Variants in HHLA2 observed in about 807,000 individuals in gnomAD.
HHLA2 encodes the protein HHLA2 member of B7 family.
A neutral mutation model predicts 45.9 loss-of-function variants in HHLA2; 48 were observed. The observed-to-expected ratio is 1.05, with a 90% CI of 0.83 to 1.33. The LOEUF (loss-of-function observed/expected upper bound fraction) is 1.33. Ranked by LOEUF, HHLA2 falls within the 40% of genes most tolerant of loss-of-function variation. HHLA2 has a pLI of 0.00. For synonymous variants in HHLA2, 161 were observed against 173.9 expected (o/e 0.93, Z 0.59); for missense variants, 462 against 494.3 (o/e 0.93, Z 0.62).
Position 108,376,488 on chromosome 3 carries a change from TG to T in HHLA2, c.1160-4del, listed in dbSNP as rs1560289327. On this transcript the variant is annotated splice_polypyrimidine_tract_variant and splice_region_variant and intron_variant, in intron 9 of 10. Coordinates refer to ENST00000619531, the Ensembl canonical transcript of HHLA2. ...ATTTTTAAGTTCTCTTTTTTTTTCC[TG>T]TAGAAAGATGTTGTGTCCCTCCTGG... 6 of 1,593,902 alleles carry T rather than the reference TG, an allele frequency of 3.8e-6. No homozygotes were observed. The highest frequency in any genetic ancestry group is 5.1e-6 in the Non-Finnish European group (6 of 1,173,758).
chr3:108,353,650 T>C, exon 5 of HHLA2: 8 of 1,613,724 alleles, frequency 5.0e-6, no homozygotes, highest in Non-Finnish European at 6.8e-6. Context: ...CCCTTTTCTA[T>C]AATGAGATTC....
At chr3:108,306,017 C>G (rs1290050962) in intron 1 of HHLA2, among the ~76,000 whole-genome samples, 1 of 152,152 alleles carries the variant, frequency 6.6e-6, no homozygotes. Context: ...TATTCATTCC[C>G]TCAGTGATTG....
intron 1 of HHLA2, among the ~76,000 whole-genome samples, chr3:108,297,859 TCTC>T (rs879487895): frequency 1.3e-5 from 2 of 152,206 alleles, no homozygotes; most frequent in Non-Finnish European, 2.9e-5. Flanking sequence ...CTGGGTGGCT[TCTC>T]CTTGCTCTGG....
chr3:108,300,865 T>C (rs182049054), intron 1 of HHLA2, among the ~76,000 whole-genome samples: 15 of 152,340 alleles, frequency 9.8e-5, no homozygotes, highest in African/African-American at 2.2e-4. Flanking sequence ...AATGCTGTCA[T>C]ATTTATCTAA....
At chr3:108,316,472 G>C (rs545503343) in intron 2 of HHLA2, among the ~76,000 whole-genome samples, 1 of 152,296 alleles carries the variant, frequency 6.6e-6, no homozygotes, top group African/African-American at 2.4e-5. Context: ...CTCTGGCTTA[G>C]AATCCTTCCT....
chr3:108,370,918 G>A (rs2082158781), intron 8 of HHLA2, among the ~76,000 whole-genome samples: 1 of 152,182 alleles, frequency 6.6e-6, no homozygotes, highest in African/African-American at 2.4e-5. Context: ...AGTTCTCCTG[G>A]ATAATATCCT....
At chr3:108,355,516 C>A in intron 6 of HHLA2, 135 bp downstream of exon 5, 4 of 995,634 alleles carry the variant, frequency 4.0e-6, no homozygotes, top group Non-Finnish European at 5.9e-6. Flanking sequence ...AGACCAAGAC[C>A]GAAGCCCTAG....
intron 7 of HHLA2, 115 bp downstream of exon 6, chr3:108,358,276 A>G (rs1009292769): frequency 1.0e-5 from 7 of 684,304 alleles, no homozygotes; most frequent in Non-Finnish European, 1.6e-5. Context: ...CTCTCAAAAT[A>G]TAATCCACAG....
chr3:108,363,764 G>A (rs1002051079), intron 8 of HHLA2, among the ~76,000 whole-genome samples: 2 of 152,134 alleles, frequency 1.3e-5, no homozygotes, highest in African/African-American at 4.8e-5. Context: ...AGTTTCTTTA[G>A]TGGAAGTCTG....
exon 10 of HHLA2, chr3:108,376,495 A>G: frequency 6.3e-7 from 1 of 1,597,242 alleles, no homozygotes; most frequent in Non-Finnish European, 8.5e-7. Context: ...TCCTGTAGAA[A>G]GATGTTGTGT....
At chr3:108,299,421 G>T (rs757473574) in intron 1 of HHLA2, among the ~76,000 whole-genome samples, 3 of 150,970 alleles carry the variant, frequency 2.0e-5, no homozygotes, top group Admixed American at 6.6e-5. Flanking sequence ...AAGTGAAAAG[G>T]GTGAAATTGA....
chr3:108,350,121 ATAATCATTGTGATATCCTT>A (rs1235364660), intron 3 of HHLA2, among the ~76,000 whole-genome samples: 1 of 152,202 alleles, frequency 6.6e-6, no homozygotes, highest in East Asian at 1.9e-4. Context: ...CTCTTCCAAA[ATAATCATTGTGATATCCTT>A]TTATATATTA....
intron 7 of HHLA2, 150 bp from the exon 7 acceptor site, chr3:108,362,192 G>A: frequency 1.6e-6 from 1 of 617,784 alleles, no homozygotes; most frequent in East Asian, 2.7e-5. Context: ...TATGCAAAGT[G>A]TTTTCATATG....
intron 1 of HHLA2, among the ~76,000 whole-genome samples, chr3:108,307,707 A>G (rs2080953889): frequency 6.6e-6 from 1 of 152,100 alleles, no homozygotes; most frequent in South Asian, 2.1e-4. Flanking sequence ...TACATGGTTC[A>G]TTTGTCAAAA....
chr3:108,370,758 G>A (rs1396226233), intron 8 of HHLA2, among the ~76,000 whole-genome samples: 3 of 152,134 alleles, frequency 2.0e-5, no homozygotes, highest in Non-Finnish European at 4.4e-5. Flanking sequence ...GAAACGAAGC[G>A]AGAAGAGAAG....
At chr3:108,376,870 T>A (rs896705675) in intron 10 of HHLA2, 4 of 340,776 alleles carry the variant, frequency 1.2e-5, no homozygotes, top group Non-Finnish European at 1.6e-5. Context: ...GATAGAAGCA[T>A]GAAACATGGG....
At chr3:108,340,317 TG>T (rs2081542086) in intron 3 of HHLA2, among the ~76,000 whole-genome samples, 1 of 152,220 alleles carries the variant, frequency 6.6e-6, no homozygotes, top group Non-Finnish European at 1.5e-5. Flanking sequence ...TGACTCATGC[TG>T]GGCCTGGATC....
chr3:108,329,382 A>G (rs1422321061), intron 3 of HHLA2, among the ~76,000 whole-genome samples: 1 of 152,206 alleles, frequency 6.6e-6, no homozygotes, highest in Admixed American at 6.5e-5. Flanking sequence ...TCTTGGTTGC[A>G]AATGACAGAA....
intron 8 of HHLA2, among the ~76,000 whole-genome samples, chr3:108,370,257 A>G (rs1186727669): frequency 6.6e-6 from 1 of 152,236 alleles, no homozygotes; most frequent in East Asian, 1.9e-4. Flanking sequence ...CCTGCAGCTG[A>G]GGGTCCTGAC....
Sources: gnomAD v4.1 joint callset for allele counts (sites outside exome capture counted in the v4.1 genomes callset) on GRCh38, gnomAD v4.1.1 for gene constraint, MANE v1.5 for transcripts, NCBI Gene and HGNC (gene_info 2026-07-23, HGNC 2026-07-21) for gene names.